ADAMTSL1: variants seen among roughly 807,000 people sequenced by gnomAD.
ADAMTSL1 encodes ADAMTS like 1, also known as ADAMTS-like protein 1.
In ADAMTSL1, 126 loss-of-function variants were observed where a neutral mutation model predicts 201.8. The observed-to-expected ratio is 0.62, with a 90% confidence interval of 0.54 to 0.72. The LOEUF (loss-of-function observed/expected upper bound fraction) is 0.72. ADAMTSL1 is among the 30% of genes least tolerant of loss of function. The pLI, the probability that ADAMTSL1 is intolerant of heterozygous loss-of-function variation, is 0.00. For missense variants in ADAMTSL1, 2,679 were observed against 2,277.8 expected (o/e 1.18, Z -3.59); for synonymous variants, 1,121 against 903.4 (o/e 1.24, Z -4.32).
chr9:17,974,134 A>G (rs1035307477), intron 1 of ADAMTSL1, among the ~76,000 whole-genome samples: 3 of 152,040 alleles, frequency 2.0e-5, no homozygotes, highest in Non-Finnish European at 2.9e-5. Flanking sequence ...CCCACAGCCA[A>G]TATCATACTG....
intron 2 of ADAMTSL1, among the ~76,000 whole-genome samples, chr9:18,282,059 C>A (rs1177733653): frequency 1.3e-5 from 2 of 152,170 alleles, no homozygotes; most frequent in African/African-American, 2.4e-5. Flanking sequence ...GTACCCATTA[C>A]ACAAATAGTG....
Position 18,083,770 on chromosome 9 carries a change from A to G in ADAMTSL1, c.88-80092A>G, listed in dbSNP as rs1191217899. Among the ~76,000 whole-genome samples, 3 of 152,336 alleles carry G rather than the reference A, an allele frequency of 2.0e-5. No individual in the cohort carries two copies. In the East Asian group the frequency reaches 5.8e-4, roughly 29 times the overall value. On this transcript the variant is annotated intron_variant, in intron 1 of 29. Coordinates refer to the ADAMTSL1 transcript ENST00000680146. ...TCTGGGTATTCTGTATAATTTGTAAATGTTATTCCTGATACTAAAGTTAGC... is the reference window on the plus strand; with the variant it reads ...TCTGGGTATTCTGTATAATTTGTAAGTGTTATTCCTGATACTAAAGTTAGC...
At chr9:18,364,386 G>A (rs1447409435) in intron 2 of ADAMTSL1, among the ~76,000 whole-genome samples, 1 of 152,090 alleles carries the variant, frequency 6.6e-6, no homozygotes, top group Admixed American at 6.5e-5. Flanking sequence ...CGACAATTTT[G>A]GTTAAATTGT....
chr9:18,760,228 C>G (rs1353808279), intron 16 of ADAMTSL1, among the ~76,000 whole-genome samples: 2 of 152,134 alleles, frequency 1.3e-5, no homozygotes, highest in Non-Finnish European at 2.9e-5. Context: ...AACATCTATA[C>G]CCTATTTTAT....
intron 2 of ADAMTSL1, among the ~76,000 whole-genome samples, chr9:18,518,918 G>GGCTGGTTTTCTAAAAGTAAAA: frequency 1.3e-5 from 2 of 152,144 alleles, no homozygotes. Context: ...ATGATGGCCA[G>GGCTGGTTTTCTAAAAGTAAAA]GCTGGTTTTC....
At chr9:17,951,185 C>G (rs1405148886) in intron 1 of ADAMTSL1, among the ~76,000 whole-genome samples, 2 of 152,086 alleles carry the variant, frequency 1.3e-5, no homozygotes, top group East Asian at 3.9e-4. Flanking sequence ...TCCCGGGGCA[C>G]AGGGCATCAT....
Position 18,092,541 on chromosome 9 carries a change from G to A in ADAMTSL1, c.88-71321G>A, listed in dbSNP as rs1824075013. Among the ~76,000 whole-genome samples the A allele has an allele frequency of 1.3e-5, 2 of 152,094 alleles. 1 individual carries two copies. Among genetic ancestry groups the A allele is most frequent in the African/African-American group, 4.8e-5 (2 of 41,412 alleles). ...TCTTTTTTTCTTGATGTGGATAATT[G>A]AGAAATGACTCCAGTGATACAGGAA... On this transcript the variant is annotated intron_variant, in intron 1 of 29. Coordinates refer to the ADAMTSL1 transcript ENST00000680146.
At chr9:18,450,761 G>C (rs773578883) in intron 2 of ADAMTSL1, among the ~76,000 whole-genome samples, 2 of 152,182 alleles carry the variant, frequency 1.3e-5, no homozygotes, top group African/African-American at 2.4e-5. Flanking sequence ...TTTGACAATA[G>C]TTGAGAGAGT....
At chr9:18,307,544 C>T (rs1414404714) in intron 2 of ADAMTSL1, among the ~76,000 whole-genome samples, 3 of 152,024 alleles carry the variant, frequency 2.0e-5, no homozygotes, top group East Asian at 3.9e-4. Context: ...GGGTTGCAAT[C>T]CTATTCTCTC....
chr9:18,777,785 G>A lies in ADAMTSL1; in HGVS notation c.3556G>A (p.Gly1186Arg), dbSNP rs1821150478. The change falls in exon 19 of 29, where the codon GGG (glycine) becomes AGG (arginine). Residue 1186 changes from glycine (G) to arginine (R), a missense_variant. Physicochemically the swap from Gly to Arg is moderately radical, Grantham distance 125 (BLOSUM62 -2). Transcript: ENST00000380548. ...AGCCTCGGAGGTGGTCACCCACCTG[G>A]GGCAGACGGTGGCCCTGGCCAGCGG... ...LSASEVVTHL[G>R]QTVALASGTL... The A allele has an allele frequency of 6.2e-7, 1 of 1,613,658 alleles. No homozygotes were observed. Among genetic ancestry groups the A allele is most frequent in the Non-Finnish European group, 8.5e-7 (1 of 1,179,852 alleles).
intron 1 of ADAMTSL1, among the ~76,000 whole-genome samples, chr9:18,027,139 C>G (rs560533911): frequency 8.8e-4 from 132 of 149,540 alleles, no homozygotes; most frequent in African/African-American, 3.2e-3. Flanking sequence ...ATCTATTGAA[C>G]TTGTTGATCC....
intron 14 of ADAMTSL1, among the ~76,000 whole-genome samples, chr9:18,716,325 C>T (rs976871847): frequency 2.6e-4 from 40 of 151,378 alleles, no homozygotes; most frequent in African/African-American, 8.0e-4. Context: ...AGAAAATTTT[C>T]GCAACCTACT....
rs372116576 is a variant in ADAMTSL1 at position 17,983,067 on chromosome 9, TCTTTCTTTC to T, written c.87+76146_87+76154del. Among the ~76,000 whole-genome samples the T allele has an allele frequency of 2.6e-4, 29 of 110,732 alleles. 2 individuals carry two copies. The highest frequency in any genetic ancestry group is 3.1e-4 in the South Asian group (1 of 3,240). 72.6% of individuals were successfully genotyped at this position (110,732 alleles called of 152,430 possible). A position where few individuals can be genotyped will look rare whatever the true frequency, so the allele number is the denominator to read the frequency against. ...TCATTTTCTTTTTCTTTTCTTTCTT[TCTTTCTTTC>T]TTTTTTTTTTTTGAGACTGAATCTT... is the stretch of plus-strand genomic sequence containing the variant. On this transcript the variant is annotated intron_variant, in intron 1 of 29. Transcript: ENST00000680146.
intron 23 of ADAMTSL1, among the ~76,000 whole-genome samples, chr9:18,845,311 T>C (rs1178037301): frequency 6.6e-6 from 1 of 152,248 alleles, no homozygotes; most frequent in Non-Finnish European, 1.5e-5. Flanking sequence ...CCTTTTCTCA[T>C]GCCTTGTGAT....
intron 2 of ADAMTSL1, among the ~76,000 whole-genome samples, chr9:18,445,713 TA>T (rs1820165440): frequency 6.6e-6 from 1 of 152,168 alleles, no homozygotes; most frequent in Non-Finnish European, 1.5e-5. Context: ...AAAATTTTTT[TA>T]TCATCAGTTG....
chr9:18,341,903 C>G (rs1835478286), intron 2 of ADAMTSL1, among the ~76,000 whole-genome samples: 2 of 152,088 alleles, frequency 1.3e-5, no homozygotes, highest in Admixed American at 1.3e-4. Context: ...AAAACAACAT[C>G]TATAGGCTTT....
chr9:18,510,601 A>T (rs1357928031), intron 2 of ADAMTSL1, among the ~76,000 whole-genome samples: 1 of 151,996 alleles, frequency 6.6e-6, no homozygotes, highest in Non-Finnish European at 1.5e-5. Flanking sequence ...TTTATCTGCA[A>T]CCCTGGTTTG....
At chr9:18,762,526 G>A (rs2133671427) in intron 16 of ADAMTSL1, among the ~76,000 whole-genome samples, 1 of 151,902 alleles carries the variant, frequency 6.6e-6, no homozygotes, top group East Asian at 1.9e-4. Context: ...CTCTTTTTAA[G>A]TTTTTTTTAA....
chr9:18,288,903 C>A (rs951774516), intron 2 of ADAMTSL1, among the ~76,000 whole-genome samples: 8 of 152,164 alleles, frequency 5.3e-5, no homozygotes, highest in African/African-American at 1.7e-4. Flanking sequence ...GTTTAAGGAA[C>A]TGAATTGATT....
Sources: allele counts gnomAD v4.1 joint callset (sites outside exome capture counted in the v4.1 genomes callset), GRCh38; gene constraint gnomAD v4.1.1; transcripts MANE v1.5; gene names NCBI Gene and HGNC (gene_info 2026-07-23, HGNC 2026-07-21).